BCO1: variants seen among roughly 807,000 people sequenced by gnomAD.
BCO1 encodes beta-carotene oxygenase 1, also known as beta,beta-carotene 15,15'-dioxygenase.
In BCO1, 54 loss-of-function variants were observed where a neutral mutation model predicts 56.3. That is an observed-to-expected ratio of 0.96 (90% confidence interval 0.77 to 1.20). The LOEUF (loss-of-function observed/expected upper bound fraction) is 1.20. BCO1 is among the 50% of genes most tolerant of loss of function. BCO1 has a pLI of 0.00. For missense variants in BCO1, 801 were observed against 690.9 expected (o/e 1.16, Z -1.79); for synonymous variants, 318 against 266.1 (o/e 1.20, Z -1.90).
intron 3 of BCO1, among the ~76,000 whole-genome samples, chr16:81,260,247 A>G (rs1399648789): frequency 6.6e-6 from 1 of 152,120 alleles, no homozygotes; most frequent in Non-Finnish European, 1.5e-5. Context: ...ATGTAGAAGT[A>G]AAAAGGAATG....
At chr16:81,272,182 C>T (rs572162157) in intron 7 of BCO1, among the ~76,000 whole-genome samples, 1 of 146,378 alleles carries the variant, frequency 6.8e-6, no homozygotes, top group East Asian at 2.0e-4. Context: ...GGCGCAGTCT[C>T]AGCTCACTGC....
chr16:81,287,211 G>A, intron 9 of BCO1, 84 bp from the exon 10 acceptor site: 1 of 1,028,636 alleles, frequency 9.7e-7, no homozygotes, highest in Non-Finnish European at 1.5e-6. Flanking sequence ...TCTCCTCTGT[G>A]TGGATCTTCA....
intron 2 of BCO1, among the ~76,000 whole-genome samples, chr16:81,248,600 G>C (rs186692074): frequency 1.4e-4 from 21 of 152,230 alleles, no homozygotes; most frequent in Admixed American, 8.5e-4. Flanking sequence ...TACAGAATGG[G>C]TGGTTCCATA....
intron 1 of BCO1, among the ~76,000 whole-genome samples, chr16:81,244,211 C>T (rs1905265315): frequency 6.6e-6 from 1 of 152,218 alleles, no homozygotes; most frequent in Non-Finnish European, 1.5e-5. Context: ...GGTGGAGGCA[C>T]CAACAGCATT....
chr16:81,275,800 C>G (rs1339876605), intron 7 of BCO1, among the ~76,000 whole-genome samples: 2 of 152,378 alleles, frequency 1.3e-5, no homozygotes, highest in East Asian at 3.9e-4. Flanking sequence ...CCCAGATTCT[C>G]TTGCTTTGGG....
chr16:81,239,009 T>C (rs760533556), intron 1 of BCO1, 37 bp downstream of exon 1: 6 of 1,561,902 alleles, frequency 3.8e-6, no homozygotes, highest in Admixed American at 3.6e-5. Context: ...CTTTCTTCTA[T>C]TTATTTTATT....
At chr16:81,255,451 T>A (rs1262778697) in intron 2 of BCO1, among the ~76,000 whole-genome samples, 1 of 152,210 alleles carries the variant, frequency 6.6e-6, no homozygotes. Flanking sequence ...ACTGTTTAGA[T>A]CTTGCTTTAT....
chr16:81,250,656 C>G (rs971571331), intron 2 of BCO1, among the ~76,000 whole-genome samples: 1 of 146,188 alleles, frequency 6.8e-6, no homozygotes, highest in African/African-American at 2.6e-5. Flanking sequence ...TCTCAGCTCA[C>G]TGCAGGCTCT....
chr16:81,259,920 A>G (rs530135929), intron 3 of BCO1, 115 bp downstream of exon 3: 7 of 1,301,764 alleles, frequency 5.4e-6, no homozygotes, highest in East Asian at 2.3e-5. Flanking sequence ...AAAACTCCAC[A>G]TGACTGCCCT....
intron 1 of BCO1, among the ~76,000 whole-genome samples, chr16:81,243,896 A>G (rs1905248681): frequency 6.6e-6 from 1 of 152,238 alleles, no homozygotes; most frequent in Non-Finnish European, 1.5e-5. Context: ...AAACCAATAA[A>G]TGGGGCATTG....
At chr16:81,256,511 A>G (rs1365600046) in intron 2 of BCO1, among the ~76,000 whole-genome samples, 1 of 152,158 alleles carries the variant, frequency 6.6e-6, no homozygotes, top group African/African-American at 2.4e-5. Context: ...AAAAATCTTA[A>G]TGTCATTTGC....
At chr16:81,285,476 G>A in intron 8 of BCO1, 64 bp from the exon 9 acceptor site, 4 of 1,205,208 alleles carry the variant, frequency 3.3e-6, no homozygotes, top group Non-Finnish European at 4.9e-6. Context: ...CAATCTGACA[G>A]GAAGGGTGGA....
chr16:81,242,354 C>T (rs370732176), intron 1 of BCO1, among the ~76,000 whole-genome samples: 38 of 152,072 alleles, frequency 2.5e-4, no homozygotes, highest in Admixed American at 2.0e-4. Flanking sequence ...GCACCCACCA[C>T]CACACCCAGC....
At chr16:81,277,508 T>G (rs1386671472) in intron 7 of BCO1, among the ~76,000 whole-genome samples, 1 of 152,202 alleles carries the variant, frequency 6.6e-6, no homozygotes, top group African/African-American at 2.4e-5. Flanking sequence ...AATGCTCAGA[T>G]GCAGGTGGAA....
chr16:81,244,446 T>C (rs1360438598), intron 1 of BCO1, among the ~76,000 whole-genome samples: 1 of 152,098 alleles, frequency 6.6e-6, no homozygotes, highest in Admixed American at 6.6e-5. Context: ...TTGTTCATAC[T>C]AAGTCTTTGA....
chr16:81,281,516 C>A (rs1262313241), intron 8 of BCO1, among the ~76,000 whole-genome samples: 2 of 152,106 alleles, frequency 1.3e-5, no homozygotes, highest in African/African-American at 2.4e-5. Flanking sequence ...AAATGCTGTC[C>A]CTTACTGAAC....
In BCO1 at chr16:81,267,854, G is replaced by T. The variant is rs545026946; in HGVS notation, c.620-54G>T. 2.6e-5 allele frequency: 39 copies of T among 1,510,560 alleles called. No individual in the cohort carries two copies. In the South Asian group the frequency reaches 2.6e-4, roughly 10 times the overall value. The allele number at this position is 1,510,560 out of a possible 1,614,324, so 93.6% of individuals were successfully genotyped here. A position where few individuals can be genotyped will look rare whatever the true frequency, so the allele number is the denominator to read the frequency against. ...TTGTAGGTGATGGTGGTGTGGTCTT[G>T]GGGGGGCAGCCAGATCCTGCACAAT... is the stretch of plus-strand genomic sequence containing the variant. On this transcript the variant is annotated intron_variant, in intron 5 of 10. Coordinates refer to ENST00000258168, the MANE Select transcript of BCO1 (RefSeq NM_017429.3).
intron 5 of BCO1, among the ~76,000 whole-genome samples, chr16:81,265,996 A>T (rs1906798824): frequency 6.6e-6 from 1 of 151,872 alleles, no homozygotes; most frequent in Non-Finnish European, 1.5e-5. Context: ...CCATCTGTCT[A>T]CTATCCACCG....
chr16:81,270,692 C>CTGTG (rs58969930), intron 7 of BCO1, among the ~76,000 whole-genome samples: 15,932 of 143,660 alleles, frequency 0.11, 1,891 homozygotes, highest in African/African-American at 0.3. Context: ...CTCTCTGTGT[C>CTGTG]TGTGTGTGTG....
Sources: gnomAD v4.1 joint callset for allele counts (sites outside exome capture counted in the v4.1 genomes callset) on GRCh38, gnomAD v4.1.1 for gene constraint, MANE v1.5 for transcripts, NCBI Gene and HGNC (gene_info 2026-07-23, HGNC 2026-07-21) for gene names.